Variants in TMCC1 observed in about 807,000 individuals in gnomAD.
TMCC1 encodes transmembrane and coiled-coil domains protein 1.
A neutral mutation model predicts 52.4 loss-of-function variants in TMCC1; 15 were observed. That is an observed-to-expected ratio of 0.29 (90% CI 0.19 to 0.44). TMCC1 has a LOEUF of 0.44. Ranked by LOEUF, TMCC1 falls within the 20% of genes least tolerant of loss-of-function variation. The pLI is 1.00. For missense variants in TMCC1, 503 were observed against 806.0 expected, an observed-to-expected ratio of 0.62 and a Z score of 4.55; for synonymous variants, 279 against 301.9, an observed-to-expected ratio of 0.92 and a Z score of 0.79.
chr3:129,824,383 T>G (rs928933877), intron 4 of TMCC1, among the ~76,000 whole-genome samples: 6 of 152,034 alleles, frequency 3.9e-5, no homozygotes, highest in African/African-American at 1.5e-4. Context: ...TTAAGAAGCA[T>G]CCCTATGATA....
chr3:129,797,008 A>G (rs1003793473), intron 4 of TMCC1, among the ~76,000 whole-genome samples: 4 of 152,166 alleles, frequency 2.6e-5, no homozygotes, highest in African/African-American at 9.7e-5. Flanking sequence ...ATCACCAAAT[A>G]GGATCTAAAA....
intron 4 of TMCC1, among the ~76,000 whole-genome samples, chr3:129,804,750 G>C (rs2057371361): frequency 6.6e-6 from 1 of 152,096 alleles, no homozygotes. Flanking sequence ...CAGTAGCATA[G>C]AGCTTATAGC....
rs745342905 is a variant in TMCC1 at position 129,670,712 on chromosome 3, G to C, written c.1129C>G (p.Arg377Gly). Residue 377 changes from arginine to glycine, a missense_variant, in exon 5 of 7, where the codon CGG (arginine) becomes GGG (glycine). Transcript: ENST00000393238. Reference protein sequence around the residue: ...SKPREIASLIRNKFGSADNIP... With the variant: ...SKPREIASLIGNKFGSADNIP... ...TTGTCTGCACTGCCAAATTTGTTCC[G>C]AATGAGTGAGGCAATCTCTCTGGGC... 1 of 1,614,152 alleles carries C rather than the reference G, an allele frequency of 6.2e-7. No individual in the cohort carries two copies. Among genetic ancestry groups the C allele is most frequent in the Non-Finnish European group, 8.5e-7 (1 of 1,180,030 alleles).
intron 4 of TMCC1, among the ~76,000 whole-genome samples, chr3:129,683,177 G>A (rs936895904): frequency 2.0e-5 from 3 of 152,206 alleles, no homozygotes; most frequent in Non-Finnish European, 2.9e-5. Flanking sequence ...TACTGTTTTT[G>A]CTTTTATAAC....
At chr3:129,657,479 T>A (rs2086739303) in intron 5 of TMCC1, among the ~76,000 whole-genome samples, 1 of 152,208 alleles carries the variant, frequency 6.6e-6, no homozygotes. Context: ...ACAAAAATAT[T>A]AAGTAGGGCA....
At chr3:129,862,425 G>A (rs1235786739) in intron 2 of TMCC1, among the ~76,000 whole-genome samples, 1 of 152,124 alleles carries the variant, frequency 6.6e-6, no homozygotes, top group Admixed American at 6.5e-5. Context: ...ATGGGTGCAT[G>A]ACATACAGAT....
At chr3:129,816,787 G>GCT (rs1288471527) in intron 4 of TMCC1, among the ~76,000 whole-genome samples, 12 of 152,152 alleles carry the variant, frequency 7.9e-5, no homozygotes, top group African/African-American at 2.2e-4. Flanking sequence ...ACTTTAGGAG[G>GCT]CTGAGATGGG....
At chr3:129,795,127 G>A (rs62265569) in intron 4 of TMCC1, among the ~76,000 whole-genome samples, 3,951 of 152,246 alleles carry the variant, frequency 0.026, 79 homozygotes, top group Non-Finnish European at 0.04. Context: ...TTCAACTTGT[G>A]CCAAAGTTAA....
chr3:129,702,813 C>T (rs1054422197), intron 4 of TMCC1, among the ~76,000 whole-genome samples: 25 of 151,936 alleles, frequency 1.6e-4, no homozygotes, highest in Middle Eastern at 3.2e-3. Flanking sequence ...ATCAGGAGTT[C>T]GACACCCGCC....
At chr3:129,774,163 C>A (rs1429035831) in intron 4 of TMCC1, among the ~76,000 whole-genome samples, 2 of 152,158 alleles carry the variant, frequency 1.3e-5, no homozygotes, top group Non-Finnish European at 2.9e-5. Flanking sequence ...AGATATCAAG[C>A]TGAAACACCT....
chr3:129,865,949 G>A (rs766025253), intron 2 of TMCC1, among the ~76,000 whole-genome samples: 2 of 152,152 alleles, frequency 1.3e-5, no homozygotes, highest in Non-Finnish European at 2.9e-5. Flanking sequence ...GTAGGGAAGT[G>A]CAAGCTGAAT....
intron 4 of TMCC1, among the ~76,000 whole-genome samples, chr3:129,673,746 G>C (rs2088159407): frequency 6.6e-6 from 1 of 152,076 alleles, no homozygotes; most frequent in Non-Finnish European, 1.5e-5. Flanking sequence ...AGCTGCTCAG[G>C]AGGCTGAGGT....
chr3:129,844,087 GTAGTTCACCA>G (rs2059551925), intron 2 of TMCC1, among the ~76,000 whole-genome samples: 1 of 152,126 alleles, frequency 6.6e-6, no homozygotes, highest in Admixed American at 6.6e-5. Flanking sequence ...AAAAATCAAT[GTAGTTCACCA>G]TACTAAGAAA....
intron 4 of TMCC1, among the ~76,000 whole-genome samples, chr3:129,804,328 C>A (rs2057345573): frequency 6.6e-6 from 1 of 152,156 alleles, no homozygotes; most frequent in African/African-American, 2.4e-5. Context: ...AACATAGCTA[C>A]ATTTTTTTGT....
intron 4 of TMCC1, among the ~76,000 whole-genome samples, chr3:129,732,724 C>T (rs2050638635): frequency 6.6e-6 from 1 of 152,140 alleles, no homozygotes. Context: ...CTTGTAACCA[C>T]AGCTCCACTG....
chr3:129,781,214 C>T (rs1397501014), intron 4 of TMCC1, among the ~76,000 whole-genome samples: 2 of 152,152 alleles, frequency 1.3e-5, no homozygotes, highest in African/African-American at 2.4e-5. Flanking sequence ...CCATCAAACA[C>T]CTCCATTCAT....
At chr3:129,799,210 C>G (rs992474955) in intron 4 of TMCC1, among the ~76,000 whole-genome samples, 1 of 152,100 alleles carries the variant, frequency 6.6e-6, no homozygotes, top group African/African-American at 2.4e-5. Flanking sequence ...TTGAAACATG[C>G]TAAATTAAGC....
At chr3:129,803,742 C>T (rs745337747) in intron 4 of TMCC1, among the ~76,000 whole-genome samples, 57 of 152,150 alleles carry the variant, frequency 3.7e-4, no homozygotes, top group Middle Eastern at 6.8e-3. Context: ...TATAAATGAA[C>T]AAATATCTAC....
chr3:129,703,985 T>C (rs1299976396), intron 4 of TMCC1, among the ~76,000 whole-genome samples: 4 of 152,088 alleles, frequency 2.6e-5, no homozygotes, highest in African/African-American at 9.7e-5. Flanking sequence ...TACTAAAACA[T>C]GATAGGGAGA....
Sources: gnomAD v4.1 joint callset for allele counts (sites outside exome capture counted in the v4.1 genomes callset) on GRCh38, gnomAD v4.1.1 for gene constraint, MANE v1.5 for transcripts, NCBI Gene and HGNC (gene_info 2026-07-23, HGNC 2026-07-21) for gene names.